Variants in ERAP1 observed in about 807,000 individuals in gnomAD.
The protein encoded by ERAP1 is adipocyte-derived leucine aminopeptidase.
Under a neutral mutation model 103.7 loss-of-function variants are expected in ERAP1, and 86 were observed. The ratio of observed to expected loss-of-function variants is 0.83; its 90% CI spans 0.70 to 0.99. The LOEUF (loss-of-function observed/expected upper bound fraction) is 0.99, where lower values mean the gene tolerates loss of function less well. ERAP1 is among the 50% of genes least tolerant of loss of function. The probability of loss-of-function intolerance (pLI) is 0.00; values close to 1 mark genes in which losing one functional copy is unlikely to be tolerated. For missense variants in ERAP1, 1,009 were observed against 1,128.4 expected (o/e 0.89, Z 1.52); for synonymous variants, 398 against 402.4 (o/e 0.99, Z 0.13).
chr5:96,843,258 T>G, the ERAP1 span, among the ~76,000 whole-genome samples: 1 of 152,192 alleles, frequency 6.6e-6, no homozygotes, highest in East Asian at 1.9e-4. Flanking sequence ...CTGGTTATTT[T>G]GTGTACACCC....
upstream of ERAP1, among the ~76,000 whole-genome samples, chr5:96,809,043 A>G (rs1332433782): frequency 6.6e-6 from 1 of 152,166 alleles, no homozygotes; most frequent in Non-Finnish European, 1.5e-5. Flanking sequence ...GAAATTATTC[A>G]TGCCTCCCCT....
chr5:96,927,615 T>G, the ERAP1 span, among the ~76,000 whole-genome samples: 1 of 152,036 alleles, frequency 6.6e-6, no homozygotes, highest in Admixed American at 6.6e-5. Context: ...GCCTCCCAAG[T>G]AGCTGGGACT....
intron 3 of ERAP1, 115 bp downstream of exon 3, chr5:96,800,747 T>A: frequency 9.1e-7 from 1 of 1,098,484 alleles, no homozygotes; most frequent in Non-Finnish European, 1.4e-6. Context: ...TTAGTAACGA[T>A]CTGCCAGGCA....
Position 96,807,866 on chromosome 5 carries a change from T to C in ERAP1, c.-24A>G. On this transcript the variant is annotated 5_prime_UTR_variant, in exon 1 of 19. Coordinates refer to ENST00000443439, the MANE Select transcript of ERAP1 (RefSeq NM_001040458.3). Reference sequence around the variant, plus strand: ...CGGCTCGAGCGCGCTGTACCTGGGGTTCTGGGGCCGCCCTCACCCTTGCGC... The same window carrying C: ...CGGCTCGAGCGCGCTGTACCTGGGGCTCTGGGGCCGCCCTCACCCTTGCGC... The C allele has an allele frequency of 1.0e-6, 1 of 985,744 alleles. No homozygotes were observed. Among genetic ancestry groups the C allele is most frequent in the Non-Finnish European group, 1.2e-6 (1 of 830,270 alleles). The allele number at this position is 985,744 out of a possible 1,614,324, so 61.1% of individuals were successfully genotyped here.
At chr5:96,791,914 C>G in intron 8 of ERAP1, 147 bp downstream of exon 8, 2 of 755,970 alleles carry the variant, frequency 2.6e-6, no homozygotes, top group South Asian at 1.6e-5. Context: ...GCAAGTTAGT[C>G]CTAAAAGAGT....
chr5:96,867,329 G>T, the ERAP1 span, among the ~76,000 whole-genome samples: 1 of 151,980 alleles, frequency 6.6e-6, no homozygotes, highest in Non-Finnish European at 1.5e-5. Context: ...TATACCCTGT[G>T]CTTTAGTTAT....
chr5:96,911,858 C>A, the ERAP1 span, among the ~76,000 whole-genome samples: 3 of 44,114 alleles, frequency 6.8e-5, no homozygotes, highest in East Asian at 2.2e-3. Flanking sequence ...CAGAGTAAGA[C>A]CCTGTCTCAA....
the ERAP1 span, among the ~76,000 whole-genome samples, chr5:96,870,999 T>C: frequency 6.6e-6 from 1 of 152,230 alleles, no homozygotes; most frequent in African/African-American, 2.4e-5. Context: ...TTTCTGCTCA[T>C]GTGCATATTG....
the ERAP1 span, among the ~76,000 whole-genome samples, chr5:96,927,974 C>T: frequency 6.6e-6 from 1 of 152,124 alleles, no homozygotes; most frequent in African/African-American, 2.4e-5. Context: ...GGCATGATCT[C>T]TGCTCACTGC....
At chr5:96,815,627 GT>G in the ERAP1 span, among the ~76,000 whole-genome samples, 2 of 151,962 alleles carry the variant, frequency 1.3e-5, no homozygotes, top group Non-Finnish European at 2.9e-5. Flanking sequence ...GGTCAGGCTG[GT>G]CTTGAACTCC....
chr5:96,922,139 A>C, the ERAP1 span, among the ~76,000 whole-genome samples: 1 of 152,090 alleles, frequency 6.6e-6, no homozygotes, highest in African/African-American at 2.4e-5. Flanking sequence ...GCTGCTAAAA[A>C]TACAAAAAAT....
the ERAP1 span, among the ~76,000 whole-genome samples, chr5:96,879,320 A>G: frequency 6.6e-6 from 1 of 152,262 alleles, no homozygotes; most frequent in Non-Finnish European, 1.5e-5. Flanking sequence ...CTCGCTGCAC[A>G]AGAATTCAGA....
chr5:96,806,457 T>A (rs530161059), intron 1 of ERAP1, among the ~76,000 whole-genome samples: 24 of 152,346 alleles, frequency 1.6e-4, no homozygotes, highest in Non-Finnish European at 3.2e-4. Flanking sequence ...CCAGGCACTT[T>A]ACACATGCTC....
chr5:96,901,872 C>T, the ERAP1 span, among the ~76,000 whole-genome samples: 2 of 152,298 alleles, frequency 1.3e-5, no homozygotes, highest in Admixed American at 6.5e-5. Context: ...GAGCACCATT[C>T]TTAGTGATTC....
the ERAP1 span, among the ~76,000 whole-genome samples, chr5:96,827,794 C>T: frequency 2.0e-5 from 3 of 152,200 alleles, no homozygotes; most frequent in Admixed American, 6.5e-5. Flanking sequence ...TCTATGTTTA[C>T]CCACCACCCT....
At chr5:96,762,243 A>G (rs1448996908) in exon 20 of ERAP1, 5 of 1,425,702 alleles carry the variant, frequency 3.5e-6, no homozygotes, top group Non-Finnish European at 4.9e-6. Context: ...TATATACAAC[A>G]TGTTACTAAT....
intron 5 of ERAP1, among the ~76,000 whole-genome samples, chr5:96,794,171 C>CTTTTTT (rs35041937): frequency 1.5e-4 from 10 of 68,724 alleles, no homozygotes; most frequent in East Asian, 5.0e-4. Flanking sequence ...CATCTCAGGC[C>CTTTTTT]TTTTTTTTTT....
rs1057403822 is a variant in ERAP1, at chr5:96,780,502, A to G, written c.2591T>C (p.Phe864Ser). Reference protein sequence around the residue: ...RKNWNKLVQKFELGSSSIAHM... With the variant: ...RKNWNKLVQKSELGSSSIAHM... ...GGCTATGGAAGATGAGCCAAGTTCA[A>G]ACCTAGAGAGGGAAATATTCAAAAA... is the stretch of plus-strand genomic sequence containing the variant. Residue 864 changes from phenylalanine (F) to serine (S), a missense_variant and splice_region_variant, in exon 18 of 19, where the codon TTT becomes TCT. Physicochemically the swap from Phe to Ser is radical, Grantham distance 155. Transcript: ENST00000443439. 2.5e-6 allele frequency: 4 copies of G among 1,611,096 alleles called. No individual in the cohort carries two copies. The highest frequency in any genetic ancestry group is 2.7e-5 in the African/African-American group (2 of 74,860).
the ERAP1 span, among the ~76,000 whole-genome samples, chr5:96,838,818 C>G: frequency 2.0e-5 from 3 of 152,120 alleles, no homozygotes; most frequent in Admixed American, 2.0e-4. Context: ...CTAACACACA[C>G]ACACACACAC....
Sources: allele counts gnomAD v4.1 joint callset (sites outside exome capture counted in the v4.1 genomes callset), GRCh38; gene constraint gnomAD v4.1.1; transcripts MANE v1.5; gene names NCBI Gene and HGNC (gene_info 2026-07-23, HGNC 2026-07-21).